The following FBXL5 variants were observed in gnomAD, a reference collection of about 807,000 sequenced individuals.
FBXL5 encodes the protein F-box and leucine rich repeat protein 5, also known as F-box/LRR-repeat protein 5.
A neutral mutation model predicts 78.3 loss-of-function variants in FBXL5; 26 were observed. That is an observed-to-expected ratio of 0.33 (90% CI 0.24 to 0.46). The LOEUF (loss-of-function observed/expected upper bound fraction) is 0.46. FBXL5 is among the 20% of genes least tolerant of loss of function. The pLI is 1.00. For missense variants in FBXL5, 710 were observed against 829.2 expected (o/e 0.86, Z 1.77); for synonymous variants, 295 against 282.5 (o/e 1.04, Z -0.45).
chr4:15,670,246 AC>A (rs971969869), intron 1 of FBXL5, among the ~76,000 whole-genome samples: 1 of 152,234 alleles, frequency 6.6e-6, no homozygotes, highest in Admixed American at 6.5e-5. Flanking sequence ...CTTTGCATGA[AC>A]AAATATTTCA....
chr4:15,663,124 C>A (rs1275974523), upstream of FBXL5, among the ~76,000 whole-genome samples: 1 of 152,124 alleles, frequency 6.6e-6, no homozygotes, highest in Non-Finnish European at 1.5e-5. Flanking sequence ...TCTTGCCAGT[C>A]TTTTACTGAA....
intron 4 of FBXL5, among the ~76,000 whole-genome samples, chr4:15,637,739 A>G (rs567216894): frequency 1.3e-5 from 2 of 152,294 alleles, no homozygotes; most frequent in African/African-American, 4.8e-5. Flanking sequence ...AACTTGTAAA[A>G]TTATTTTAGT....
chr4:15,639,558 A>G (rs1219194717), intron 3 of FBXL5, among the ~76,000 whole-genome samples: 1 of 152,232 alleles, frequency 6.6e-6, no homozygotes. Context: ...TCAATCTCCA[A>G]TTTACAGAAT....
upstream of FBXL5, among the ~76,000 whole-genome samples, chr4:15,657,592 C>A (rs1227498678): frequency 2.6e-5 from 4 of 152,196 alleles, no homozygotes; most frequent in Non-Finnish European, 2.9e-5. Context: ...CCACTTTGGA[C>A]ACTGGCCATT....
upstream of FBXL5, among the ~76,000 whole-genome samples, chr4:15,655,730 G>A (rs1000304078): frequency 1.3e-5 from 2 of 152,224 alleles, no homozygotes; most frequent in Non-Finnish European, 2.9e-5. Context: ...CGCGAGCTCT[G>A]CTTGTGCCCA....
chr4:15,671,204 G>T (rs112373423), intron 1 of FBXL5, among the ~76,000 whole-genome samples: 2,613 of 152,010 alleles, frequency 0.017, 73 homozygotes, highest in African/African-American at 0.059. Flanking sequence ...GATTACAGGC[G>T]TGAGTCACTG....
chr4:15,644,767 A>T, intron 1 of FBXL5, 59 bp from the exon 2 acceptor site: 1 of 1,200,240 alleles, frequency 8.3e-7, no homozygotes, highest in East Asian at 2.5e-5. Flanking sequence ...CACAAATAAA[A>T]AATATTCAAA....
intron 9 of FBXL5, among the ~76,000 whole-genome samples, chr4:15,620,195 T>C (rs1225814717): frequency 1.3e-5 from 2 of 151,928 alleles, no homozygotes; most frequent in Non-Finnish European, 2.9e-5. Flanking sequence ...TAGAATAGCA[T>C]CAAAGAAAAT....
chr4:15,656,293 CT>C (rs1359078447), upstream of FBXL5: 32 of 456,146 alleles, frequency 7.0e-5, no homozygotes, highest in Middle Eastern at 6.5e-4. Context: ...CCTGGAGACT[CT>C]GTTCTCTGCT....
In FBXL5 at chr4:15,615,305, C is replaced by T. The variant is rs190499309; in HGVS notation, c.1851-2891G>A. 9.0e-3 allele frequency among the ~76,000 whole-genome samples: 1,374 copies of T among 152,238 alleles called. 12 individuals are homozygous for T. Among genetic ancestry groups the T allele is most frequent in the African/African-American group, 0.031 (1,298 of 41,530 alleles). On this transcript the variant is annotated intron_variant, in intron 9 of 10. Transcript: ENST00000341285. ...CCAAGGGCTGAGGAGTGCAAGCACA[C>T]GGCGCGGGACTGGCAGGCAGCTCCA...
Position 15,654,419 on chromosome 4 carries a change from C to T in FBXL5, c.84+785G>A, listed in dbSNP as rs4318643. On this transcript the variant is annotated intron_variant, in intron 1 of 10. Transcript: ENST00000341285. ...AAGTGCCTCTTCAGCTTATGCTGCA[C>T]CAATTATGGGCCCAAAATGGTTCTC... 8.8e-3 allele frequency among the ~76,000 whole-genome samples: 1,347 copies of T among 152,306 alleles called. 27 individuals carry two copies. Among genetic ancestry groups the T allele is most frequent in the African/African-American group, 0.031 (1,275 of 41,562 alleles).
At chr4:15,614,999 G>A (rs1057436817) in intron 9 of FBXL5, among the ~76,000 whole-genome samples, 8 of 152,140 alleles carry the variant, frequency 5.3e-5, no homozygotes, top group South Asian at 2.1e-4. Flanking sequence ...GGCGGGCCCC[G>A]CACTCAGAGC....
intron 1 of FBXL5, among the ~76,000 whole-genome samples, chr4:15,676,549 A>T (rs557491903): frequency 1.3e-5 from 2 of 152,250 alleles, no homozygotes; most frequent in Non-Finnish European, 2.9e-5. Flanking sequence ...AACAAGTGTA[A>T]AAAACATTTT....
intron 2 of FBXL5, 69 bp from the exon 3 acceptor site, chr4:15,640,952 G>A (rs1182269377): frequency 5.0e-6 from 4 of 804,090 alleles, no homozygotes; most frequent in South Asian, 2.1e-5. Flanking sequence ...GTCCCAGGAA[G>A]TTTAAAATGT....
intron 9 of FBXL5, among the ~76,000 whole-genome samples, chr4:15,614,141 T>G (rs868437053): frequency 2.0e-5 from 3 of 152,224 alleles, no homozygotes; most frequent in Non-Finnish European, 4.4e-5. Context: ...TCCCTTGATG[T>G]GATGCTCTCC....
intron 1 of FBXL5, among the ~76,000 whole-genome samples, chr4:15,677,259 T>C (rs867309266): frequency 1.8e-4 from 28 of 152,232 alleles, no homozygotes; most frequent in African/African-American, 6.5e-4. Context: ...TACTCTTCTG[T>C]GGTATAATAA....
At chr4:15,664,547 A>G (rs1312770399), upstream of FBXL5, among the ~76,000 whole-genome samples, 2 of 119,588 alleles carry the variant, frequency 1.7e-5, no homozygotes, top group East Asian at 2.5e-4. Flanking sequence ...GTGGGCCCTC[A>G]TCCTTTTTTT....
upstream of FBXL5, chr4:15,656,186 G>T (rs762327063): frequency 4.1e-4 from 189 of 456,068 alleles, no homozygotes; most frequent in Non-Finnish European, 6.5e-4. Context: ...TACAAATCCC[G>T]CCATTTTAAG....
At chr4:15,642,336 G>A (rs188184754) in intron 2 of FBXL5, among the ~76,000 whole-genome samples, 15 of 151,190 alleles carry the variant, frequency 9.9e-5, no homozygotes, top group African/African-American at 3.4e-4. Context: ...AGGTTCATGC[G>A]ATTCTCCCAC....
Sources: allele counts gnomAD v4.1 joint callset (sites outside exome capture counted in the v4.1 genomes callset), GRCh38; gene constraint gnomAD v4.1.1; transcripts MANE v1.5; gene names NCBI Gene and HGNC (gene_info 2026-07-23, HGNC 2026-07-21).